Variants in AIG1 observed in about 807,000 individuals in gnomAD.
AIG1 encodes androgen induced 1.
AIG1 carries 23 observed loss-of-function variants against 31.4 expected under a neutral mutation model. That is an observed-to-expected ratio of 0.73 (90% CI 0.53 to 1.04). The LOEUF is 1.04. AIG1 is among the 50% of genes least tolerant of loss of function. AIG1 has a pLI of 0.00. For synonymous variants in AIG1, 100 were observed against 110.5 expected, an observed-to-expected ratio of 0.90 and a Z score of 0.60; for missense variants, 274 against 295.0, an observed-to-expected ratio of 0.93 and a Z score of 0.52.
intron 5 of AIG1, chr6:143,335,183 T>A: frequency 7.8e-7 from 1 of 1,286,292 alleles, no homozygotes; most frequent in Non-Finnish European, 1.0e-6. Context: ...CTTCTACCTA[T>A]CAAGTTCTGT....
intron 1 of AIG1, among the ~76,000 whole-genome samples, chr6:143,084,435 A>G (rs1286749183): frequency 6.6e-6 from 1 of 152,182 alleles, no homozygotes; most frequent in Non-Finnish European, 1.5e-5. Flanking sequence ...CAGAGCCTCC[A>G]AAGTCTGCTT....
intron 1 of AIG1, among the ~76,000 whole-genome samples, chr6:143,105,931 G>A (rs1246390221): frequency 6.6e-6 from 1 of 152,188 alleles, no homozygotes; most frequent in East Asian, 1.9e-4. Context: ...CCAAAGGTCT[G>A]GTGAATGGTT....
intron 1 of AIG1, among the ~76,000 whole-genome samples, chr6:143,125,837 T>C (rs1321705387): frequency 3.9e-5 from 6 of 152,256 alleles, no homozygotes; most frequent in Non-Finnish European, 8.8e-5. Flanking sequence ...ACATTATTTC[T>C]GACTGGAAAA....
intron 3 of AIG1, among the ~76,000 whole-genome samples, chr6:143,235,381 A>G (rs765593207): frequency 2.6e-5 from 4 of 152,208 alleles, no homozygotes; most frequent in Non-Finnish European, 5.9e-5. Context: ...ATTTGTATAG[A>G]TACCTTTTCG....
At chr6:143,204,911 A>T (rs1051096941) in intron 3 of AIG1, among the ~76,000 whole-genome samples, 2 of 152,110 alleles carry the variant, frequency 1.3e-5, no homozygotes, top group African/African-American at 4.8e-5. Context: ...GTAGAAGAGG[A>T]GTTTCGCAAA....
chr6:143,116,816 T>G lies in AIG1; in HGVS notation c.142-20019T>G, dbSNP rs750946791. ...GCTGGACAGGAAAACCACAATGGCT[T>G]GTGAAAGGCATCCAGTTTATATAGC... On this transcript the variant is annotated intron_variant, in intron 1 of 5. Transcript: ENST00000357847. Among the ~76,000 whole-genome samples the G allele has an allele frequency of 4.0e-5, 6 of 151,774 alleles. No homozygotes were observed. In the East Asian group the frequency reaches 5.8e-4, roughly 15 times the overall value.
chr6:143,213,749 T>C lies in AIG1; in HGVS notation c.399+48566T>C, dbSNP rs141537015. Among the ~76,000 whole-genome samples, 76 of 152,068 alleles carry C rather than the reference T, an allele frequency of 5.0e-4. 1 individual carries two copies. The highest frequency in any genetic ancestry group is 1.6e-3 in the African/African-American group (68 of 41,490). On this transcript the variant is annotated intron_variant, in intron 3 of 5. Coordinates refer to ENST00000357847, the MANE Select transcript of AIG1 (RefSeq NM_016108.4). ...CCAGGCTGGTCCCAAACTCCTGACC[T>C]CAGGTGACCCACCTGCCTCAGGCTC...
intron 3 of AIG1, among the ~76,000 whole-genome samples, chr6:143,223,874 A>G (rs186749378): frequency 6.6e-6 from 1 of 152,218 alleles, no homozygotes; most frequent in Non-Finnish European, 1.5e-5. Flanking sequence ...ACTGGAAATC[A>G]GTCTAGTCAC....
chr6:143,137,572 T>G (rs1777709641), intron 2 of AIG1, among the ~76,000 whole-genome samples: 1 of 152,220 alleles, frequency 6.6e-6, no homozygotes, highest in Non-Finnish European at 1.5e-5. Flanking sequence ...ACTTCTTCAG[T>G]TACCCAGCTG....
At chr6:143,062,165 A>G (rs1019152238) in intron 1 of AIG1, among the ~76,000 whole-genome samples, 1 of 152,220 alleles carries the variant, frequency 6.6e-6, no homozygotes, top group East Asian at 1.9e-4. Flanking sequence ...CCTCAAAGAA[A>G]TGCAGAGAGG....
At chr6:143,163,609 A>G (rs1262800256) in intron 2 of AIG1, among the ~76,000 whole-genome samples, 1 of 152,132 alleles carries the variant, frequency 6.6e-6, no homozygotes, top group Admixed American at 6.6e-5. Context: ...CTCCTGATTC[A>G]TGGCAGTCTT....
chr6:143,133,553 G>A (rs1783462260), intron 1 of AIG1, among the ~76,000 whole-genome samples: 1 of 121,702 alleles, frequency 8.2e-6, no homozygotes, highest in African/African-American at 3.5e-5. Context: ...ACTTTATGTG[G>A]GAAAAAGGAA....
At chr6:143,189,253 T>G in intron 3 of AIG1, 1 of 464,116 alleles carries the variant, frequency 2.2e-6, no homozygotes, top group Non-Finnish European at 2.8e-6. Context: ...CTCACTATGT[T>G]TCCCAAGCTA....
intron 3 of AIG1, among the ~76,000 whole-genome samples, chr6:143,237,752 G>A (rs916202080): frequency 1.3e-5 from 2 of 152,156 alleles, no homozygotes; most frequent in African/African-American, 4.8e-5. Flanking sequence ...GTTCATGAGA[G>A]AAGCAGGAAA....
At chr6:143,070,981 C>T (rs1777194409) in intron 1 of AIG1, among the ~76,000 whole-genome samples, 1 of 152,236 alleles carries the variant, frequency 6.6e-6, no homozygotes, top group African/African-American at 2.4e-5. Flanking sequence ...CCTTGCAAAA[C>T]TGTATTATAA....
chr6:143,295,739 T>G (rs1241292918), intron 4 of AIG1, among the ~76,000 whole-genome samples: 9 of 152,200 alleles, frequency 5.9e-5, no homozygotes, highest in Admixed American at 5.9e-4. Flanking sequence ...TATAATCTGT[T>G]GATTTCTGCC....
chr6:143,276,393 T>A (rs1013646301), intron 3 of AIG1, among the ~76,000 whole-genome samples: 1 of 152,188 alleles, frequency 6.6e-6, no homozygotes, highest in Non-Finnish European at 1.5e-5. Flanking sequence ...TGTCTGAACC[T>A]GAGTTTTTCA....
intron 3 of AIG1, among the ~76,000 whole-genome samples, chr6:143,245,553 C>G (rs892650704): frequency 2.6e-5 from 4 of 152,074 alleles, no homozygotes; most frequent in Admixed American, 2.6e-4. Flanking sequence ...AAATATTGCC[C>G]CTCCCAAAGC....
At chr6:143,225,247 C>T (rs1792854522) in intron 3 of AIG1, among the ~76,000 whole-genome samples, 1 of 152,142 alleles carries the variant, frequency 6.6e-6, no homozygotes, top group South Asian at 2.1e-4. Flanking sequence ...CCTAAATTAT[C>T]TTAACAATGT....
Sources: allele counts gnomAD v4.1 joint callset (sites outside exome capture counted in the v4.1 genomes callset), GRCh38; gene constraint gnomAD v4.1.1; transcripts MANE v1.5; gene names NCBI Gene and HGNC (gene_info 2026-07-23, HGNC 2026-07-21).